The following RAB11FIP4 variants were observed in gnomAD, a reference collection of about 807,000 sequenced individuals.
The protein encoded by RAB11FIP4 is rab11 family-interacting protein 4.
In RAB11FIP4, 23 loss-of-function variants were observed where a neutral mutation model predicts 74.3. That is an observed-to-expected ratio of 0.31 (90% CI 0.22 to 0.44). The LOEUF (loss-of-function observed/expected upper bound fraction) is 0.44, where lower values mean the gene tolerates loss of function less well. Ranked by LOEUF, RAB11FIP4 falls within the 20% of genes least tolerant of loss-of-function variation. The pLI, the probability that RAB11FIP4 is intolerant of heterozygous loss-of-function variation, is 1.00. For synonymous variants in RAB11FIP4, 360 were observed against 359.9 expected (o/e 1.00, Z 0.00); for missense variants, 630 against 863.9 (o/e 0.73, Z 3.39).
chr17:31,505,469 A>ATAATTATATAT (rs1567681024), intron 3 of RAB11FIP4, among the ~76,000 whole-genome samples: 46 of 89,432 alleles, frequency 5.1e-4, no homozygotes, highest in African/African-American at 1.9e-3. Context: ...ATAACATATA[A>ATAATTATATAT]TAATAATTAT....
chr17:31,493,429 A>G (rs1218718925), intron 3 of RAB11FIP4, among the ~76,000 whole-genome samples: 1 of 148,728 alleles, frequency 6.7e-6, no homozygotes, highest in Non-Finnish European at 1.5e-5. Context: ...GCCTGATACC[A>G]TGGAAAGGGA....
chr17:31,450,321 TTTATTATTATTA>T (rs67188813), intron 3 of RAB11FIP4, among the ~76,000 whole-genome samples: 2,581 of 137,798 alleles, frequency 0.019, 69 homozygotes, highest in African/African-American at 0.058. Context: ...CGCCACCGGC[TTTATTATTATTA>T]TTATTATTAT....
At chr17:31,482,914 G>A (rs529680228) in intron 3 of RAB11FIP4, among the ~76,000 whole-genome samples, 256 of 152,168 alleles carry the variant, frequency 1.7e-3, no homozygotes, top group African/African-American at 5.7e-3. Context: ...ATGTCCTCTG[G>A]CCGGGGGCAG....
intron 3 of RAB11FIP4, among the ~76,000 whole-genome samples, chr17:31,479,001 A>G (rs933605210): frequency 2.6e-5 from 4 of 152,240 alleles, no homozygotes; most frequent in African/African-American, 9.6e-5. Context: ...TGATGCAACA[A>G]GAGAGGCAGA....
intron 9 of RAB11FIP4, 132 bp from the exon 10 acceptor site, chr17:31,524,958 C>G (rs921892610): frequency 3.8e-6 from 4 of 1,048,550 alleles, no homozygotes; most frequent in Middle Eastern, 3.1e-4. Context: ...TCTCTGAAAG[C>G]TACTGGCCCA....
In RAB11FIP4 at chr17:31,464,749, C is replaced by CT. The variant is rs58083480; in HGVS notation, c.336+30656dup. On this transcript the variant is annotated intron_variant, in intron 3 of 14. Transcript: ENST00000621161. ...TACAGGCATGAGCCACTGTGCCCGG[C>CT]TTTTTTTTTTTTTTTTTTTTTTTTT... Among the ~76,000 whole-genome samples, 169 of 39,632 alleles carry CT rather than the reference C, an allele frequency of 4.3e-3. 32 individuals carry two copies. Among genetic ancestry groups the CT allele is most frequent in the African/African-American group, 5.3e-3 (49 of 9,252 alleles). 26.0% of individuals were successfully genotyped at this position (39,632 alleles called of 152,430 possible). A position where few individuals can be genotyped will look rare whatever the true frequency, so the allele number is the denominator to read the frequency against.
rs1449780583 is a variant in RAB11FIP4 at position 31,445,529 on chromosome 17, ATTTTATAT to A, written c.336+11408_336+11415del. 1.4e-3 allele frequency among the ~76,000 whole-genome samples: 123 copies of A among 90,664 alleles called. 2 individuals are homozygous for A. The highest frequency in any genetic ancestry group is 1.6e-3 in the Non-Finnish European group (77 of 47,922). The allele number at this position is 90,664 out of a possible 152,430, so 59.5% of individuals were successfully genotyped here. On this transcript the variant is annotated intron_variant, in intron 3 of 14. Coordinates refer to ENST00000621161, the MANE Select transcript of RAB11FIP4 (RefSeq NM_032932.6). The stretch of plus-strand genomic sequence containing the variant: ...TAAAATCTACATTCAAATTTTCCCA[ATTTTATAT>A]ATATATATATATATATATATATATA...
intron 1 of RAB11FIP4, among the ~76,000 whole-genome samples, chr17:31,417,097 C>G (rs914765701): frequency 4.6e-5 from 7 of 151,610 alleles, no homozygotes; most frequent in Non-Finnish European, 8.8e-5. Flanking sequence ...TTCCCTCTTG[C>G]TGCCCTTCAC....
intron 3 of RAB11FIP4, among the ~76,000 whole-genome samples, chr17:31,469,843 A>G (rs1236927123): frequency 6.6e-6 from 1 of 152,240 alleles, no homozygotes; most frequent in Non-Finnish European, 1.5e-5. Context: ...TGGCGGTCCA[A>G]CTAAAATCTA....
intron 3 of RAB11FIP4, among the ~76,000 whole-genome samples, chr17:31,440,802 T>A (rs994637699): frequency 1.3e-5 from 2 of 152,112 alleles, no homozygotes; most frequent in East Asian, 3.9e-4. Flanking sequence ...AAAAAAACTG[T>A]TTTTTTGTTA....
intron 3 of RAB11FIP4, among the ~76,000 whole-genome samples, chr17:31,461,133 C>G (rs1410911474): frequency 6.6e-6 from 1 of 151,840 alleles, no homozygotes; most frequent in Non-Finnish European, 1.5e-5. Context: ...GACTCCCACC[C>G]TTAGCTTCCT....
intron 3 of RAB11FIP4, among the ~76,000 whole-genome samples, chr17:31,487,154 T>C (rs775238220): frequency 3.9e-5 from 6 of 152,150 alleles, no homozygotes; most frequent in Admixed American, 1.3e-4. Context: ...CTCACTCAAG[T>C]TATATAGTGC....
Position 31,536,039 on chromosome 17 carries a change from G to GA in RAB11FIP4, c.*4307_*4308insA, listed in dbSNP as rs1341040800. ...CTGGTGCTGGTGTTCAGGGGAGTTG[G>GA]GGGGGGGGGGCGCGGGGACAGAAGC... On this transcript the variant is annotated 3_prime_UTR_variant, in exon 15 of 15. Transcript: ENST00000621161. The GA allele has an allele frequency of 3.7e-5, 1 of 26,886 alleles. No homozygotes were observed. The highest frequency in any genetic ancestry group is 2.3e-4 in the African/African-American group (1 of 4,416). The allele number at this position is 26,886 out of a possible 1,614,324, so 1.7% of individuals were successfully genotyped here.
At chr17:31,431,545 G>T in intron 1 of RAB11FIP4, 1 of 419,862 alleles carries the variant, frequency 2.4e-6, no homozygotes, top group Non-Finnish European at 4.2e-6. Flanking sequence ...GTCCCTGGGG[G>T]AAGGAGGCTC....
chr17:31,484,648 T>C (rs2071883812), intron 3 of RAB11FIP4, among the ~76,000 whole-genome samples: 3 of 151,570 alleles, frequency 2.0e-5, no homozygotes, highest in African/African-American at 4.8e-5. Context: ...TGGACTATCA[T>C]TGCTTCTCTG....
intron 3 of RAB11FIP4, among the ~76,000 whole-genome samples, chr17:31,470,245 C>T (rs540625913): frequency 6.6e-5 from 10 of 152,294 alleles, no homozygotes; most frequent in African/African-American, 1.9e-4. Context: ...ACACAGGAAG[C>T]CCTCCTGTGG....
chr17:31,443,683 G>T (rs2071425760), intron 3 of RAB11FIP4, among the ~76,000 whole-genome samples: 1 of 152,180 alleles, frequency 6.6e-6, no homozygotes, highest in South Asian at 2.1e-4. Context: ...GCCGAGGTGG[G>T]CAGATCACTT....
At chr17:31,530,173 C>T (rs955978334) in intron 13 of RAB11FIP4, among the ~76,000 whole-genome samples, 153 bp from the exon 14 acceptor site, 6 of 152,226 alleles carry the variant, frequency 3.9e-5, no homozygotes, top group Non-Finnish European at 8.8e-5. Flanking sequence ...TTGGCAAAGG[C>T]TGCAACATCT....
chr17:31,489,063 C>G (rs11080157), intron 3 of RAB11FIP4, among the ~76,000 whole-genome samples: 30,336 of 152,198 alleles, frequency 0.2, 3,740 homozygotes, highest in African/African-American at 0.33. Flanking sequence ...CTCACTCGCC[C>G]CGAGGGCCAT....
Sources: allele counts gnomAD v4.1 joint callset (sites outside exome capture counted in the v4.1 genomes callset), GRCh38; gene constraint gnomAD v4.1.1; transcripts MANE v1.5; gene names NCBI Gene and HGNC (gene_info 2026-07-23, HGNC 2026-07-21).